SGIP1: variants seen among roughly 807,000 people sequenced by gnomAD.
SGIP1 encodes SH3GL interacting endocytic adaptor 1.
In SGIP1, 38 loss-of-function variants were observed where a neutral mutation model predicts 107.5. The ratio of observed to expected loss-of-function variants is 0.35; its 90% CI spans 0.27 to 0.46. SGIP1 has a LOEUF of 0.46. Among genes scored for constraint, SGIP1 ranks in the 20% least tolerant of loss-of-function variants. The pLI, the probability that SGIP1 is intolerant of heterozygous loss-of-function variation, is 1.00. For synonymous variants in SGIP1, 365 were observed against 366.1 expected (o/e 1.00, Z 0.03); for missense variants, 929 against 1,019.5 (o/e 0.91, Z 1.21).
chr1:66,552,778 ATCT>A (rs1250266426), intron 1 of SGIP1, among the ~76,000 whole-genome samples: 3 of 152,168 alleles, frequency 2.0e-5, no homozygotes, highest in Non-Finnish European at 4.4e-5. Flanking sequence ...CGCCTAATTA[ATCT>A]TCTTTTTTTT....
intron 20 of SGIP1, among the ~76,000 whole-genome samples, chr1:66,731,308 A>C (rs1422092364): frequency 6.6e-6 from 1 of 152,194 alleles, no homozygotes. Flanking sequence ...ATTAGGAATT[A>C]TGTGCCAATA....
chr1:66,544,543 G>T (rs2055878182), intron 1 of SGIP1, among the ~76,000 whole-genome samples: 1 of 152,122 alleles, frequency 6.6e-6, no homozygotes, highest in African/African-American at 2.4e-5. Context: ...AAAAAAATTA[G>T]CTGGGCATGG....
intron 7 of SGIP1, among the ~76,000 whole-genome samples, chr1:66,653,518 G>C (rs767163363): frequency 6.6e-6 from 1 of 152,052 alleles, no homozygotes; most frequent in Non-Finnish European, 1.5e-5. Context: ...GAAATGTAAG[G>C]GTTAGATTTT....
chr1:66,663,887 A>G lies in SGIP1; in HGVS notation c.471+3363A>G, dbSNP rs575628383. The stretch of plus-strand genomic sequence containing the variant: ...AAATTATTTTGAAAAAGTGTTCTGT[A>G]TAACCTTAAATTAAAAGTAATAGCA... On this transcript the variant is annotated intron_variant, in intron 8 of 24. Transcript: ENST00000371037. 3.9e-5 allele frequency among the ~76,000 whole-genome samples: 6 copies of G among 152,334 alleles called. No individual in the cohort carries two copies. The South Asian group carries it at 1.2e-3, about 32-fold the overall frequency.
At chr1:66,576,193 C>T (rs558349151) in intron 1 of SGIP1, among the ~76,000 whole-genome samples, 4 of 152,176 alleles carry the variant, frequency 2.6e-5, no homozygotes, top group South Asian at 2.1e-4. Context: ...TGTTAGCACT[C>T]GTATTTTTCT....
intron 11 of SGIP1, 119 bp downstream of exon 11, chr1:66,672,114 G>A (rs976074364): frequency 5.3e-5 from 47 of 879,592 alleles, no homozygotes; most frequent in South Asian, 3.3e-4. Flanking sequence ...ACCAAAACAT[G>A]TCAGTCCATA....
chr1:66,630,390 C>T (rs1210362076), intron 2 of SGIP1, among the ~76,000 whole-genome samples: 1 of 152,150 alleles, frequency 6.6e-6, no homozygotes, highest in African/African-American at 2.4e-5. Flanking sequence ...CTAAACACAT[C>T]CTACCCAAAA....
At position 66,745,729 on chromosome 1, in the gene SGIP1, T is replaced by G. The variant is rs1033528205; in HGVS notation, c.*2634T>G. 1.3e-5 allele frequency: 2 copies of G among 152,130 alleles called. No individual in the cohort carries two copies. The highest frequency in any genetic ancestry group is 2.9e-5 in the Non-Finnish European group (2 of 67,962). 9.4% of individuals were successfully genotyped at this position (152,130 alleles called of 1,614,324 possible). On this transcript the variant is annotated 3_prime_UTR_variant, in exon 25 of 25. Coordinates refer to ENST00000371037, the MANE Select transcript of SGIP1 (RefSeq NM_032291.4). ...ACACCATTTCCTGAACGTTATGATC[T>G]TTAAAAGGTTCTGCTTTAGCAAGAT...
intron 7 of SGIP1, among the ~76,000 whole-genome samples, chr1:66,658,495 A>G (rs904618572): frequency 5.9e-5 from 9 of 152,056 alleles, no homozygotes; most frequent in Non-Finnish European, 1.3e-4. Context: ...GCCATATATA[A>G]TTCAACCTTA....
At chr1:66,605,260 A>C (rs949627842) in intron 1 of SGIP1, among the ~76,000 whole-genome samples, 1 of 152,208 alleles carries the variant, frequency 6.6e-6, no homozygotes, top group Non-Finnish European at 1.5e-5. Context: ...CCTTCTGTGT[A>C]TGACTTTGGG....
chr1:66,740,732 T>C lies in SGIP1; in HGVS notation c.2299+10T>C, dbSNP rs776151276. On this transcript the variant is annotated intron_variant, in intron 23 of 24. Transcript: ENST00000371037. Reference sequence around the variant, plus strand: ...AAGTCAGAAAATGGAGGTAATGGAATCACAAGTTTATTTTATTTAACATGT... The same window carrying C: ...AAGTCAGAAAATGGAGGTAATGGAACCACAAGTTTATTTTATTTAACATGT... 5.2e-5 allele frequency: 83 copies of C among 1,583,724 alleles called. No individual in the cohort carries two copies. Among genetic ancestry groups the C allele is most frequent in the Admixed American group, 1.0e-4 (6 of 58,546 alleles).
At chr1:66,677,372 G>C (rs7542924) in intron 13 of SGIP1, among the ~76,000 whole-genome samples, 1 of 152,004 alleles carries the variant, frequency 6.6e-6, no homozygotes, top group Non-Finnish European at 1.5e-5. Flanking sequence ...TTCATTGTAC[G>C]TAAGTAAGAA....
Position 66,682,216 on chromosome 1 carries a change from T to C in SGIP1, c.1162T>C (p.Phe388Leu), listed in dbSNP as rs778102405. The change falls in exon 15 of 25, where the codon TTC becomes CTC. Residue 388 changes from phenylalanine (F) to leucine (L), a missense_variant. Transcript: ENST00000371037. ...EVQKKVAEQT[F>L]IKDDYLETIS... is the part of the protein sequence containing the mutation. ...CCAGAAGAAAGTCGCTGAGCAGACC[T>C]TCATTAAAGATGATTACTTAGAAAC... 4.3e-6 allele frequency: 7 copies of C among 1,614,244 alleles called. No homozygotes were observed. The East Asian group carries it at 8.9e-5, about 21-fold the overall frequency.
intron 1 of SGIP1, among the ~76,000 whole-genome samples, chr1:66,541,071 T>TTTATTA (rs2054816215): frequency 1.3e-5 from 2 of 152,248 alleles, no homozygotes. Flanking sequence ...GTTTAATTTT[T>TTTATTA]CTCTATGTTG....
chr1:66,557,335 C>T (rs570498336), intron 1 of SGIP1, among the ~76,000 whole-genome samples: 1 of 152,142 alleles, frequency 6.6e-6, no homozygotes, highest in African/African-American at 2.4e-5. Flanking sequence ...AAATCAAGTG[C>T]TCTAATCAAA....
intron 1 of SGIP1, among the ~76,000 whole-genome samples, chr1:66,553,131 G>A (rs2057678349): frequency 6.6e-6 from 1 of 152,170 alleles, no homozygotes; most frequent in Admixed American, 6.6e-5. Context: ...ACTGGGTCTT[G>A]CAGTCTTCAG....
chr1:66,660,140 GA>G (rs745962699), intron 7 of SGIP1: 1 of 60,526 alleles, frequency 1.7e-5, no homozygotes, highest in African/African-American at 1.1e-4. Context: ...AAGAAAGAAA[GA>G]AGAGAGAAAG....
rs146689605 is a variant in SGIP1, at chr1:66,682,014, G to C, written c.960G>C (p.Pro320=). Residue 320 remains proline, a synonymous_variant, in exon 15 of 25, where the codon CCG becomes CCC. Transcript: ENST00000371037. ...EKWVHFSDTS[P]EHVTPELTPR... is the part of the protein sequence containing the mutation. ...GGGTCCATTTTTCTGATACATCCCC[G>C]GAACATGTTACTCCGGAGTTGACTC... The C allele has an allele frequency of 3.1e-6, 5 of 1,613,974 alleles. No homozygotes were observed. In the African/African-American group the frequency reaches 6.7e-5, roughly 22 times the overall value.
chr1:66,699,900 G>A (rs1192462801), intron 18 of SGIP1, among the ~76,000 whole-genome samples: 1 of 152,130 alleles, frequency 6.6e-6, no homozygotes, highest in African/African-American at 2.4e-5. Flanking sequence ...TGGGGAATTT[G>A]AGGTTGAAAA....
Sources: gnomAD v4.1 joint callset for allele counts (sites outside exome capture counted in the v4.1 genomes callset) on GRCh38, gnomAD v4.1.1 for gene constraint, MANE v1.5 for transcripts, NCBI Gene and HGNC (gene_info 2026-07-23, HGNC 2026-07-21) for gene names.